The following PRUNE2 variants were observed in gnomAD, a reference collection of about 807,000 sequenced individuals.
PRUNE2 encodes the protein prune homolog 2 with BCH domain.
PRUNE2 carries 164 observed loss-of-function variants against 252.0 expected under a neutral mutation model. The ratio of observed to expected loss-of-function variants is 0.65; its 90% CI spans 0.57 to 0.74. PRUNE2 has a LOEUF of 0.74. PRUNE2 is among the 30% of genes least tolerant of loss of function. The pLI is 0.00. For missense variants in PRUNE2, 3,495 were observed against 3,711.0 expected (o/e 0.94, Z 1.51); for synonymous variants, 1,292 against 1,350.2 (o/e 0.96, Z 0.94).
At chr9:76,861,532 G>T (rs995619013) in intron 1 of PRUNE2, among the ~76,000 whole-genome samples, 3 of 152,146 alleles carry the variant, frequency 2.0e-5, no homozygotes, top group Non-Finnish European at 2.9e-5. Context: ...CGATGGGGGA[G>T]GCAAAACCTA....
Position 76,745,383 on chromosome 9 carries a change from C to T in PRUNE2, c.757-31662G>A, listed in dbSNP as rs200786365. ...ATGCCAGAGATCACAAGACGTACAA[C>T]TTCCCCCATCAATCCTACAGATAAC... On this transcript the variant is annotated intron_variant, in intron 6 of 18. Transcript: ENST00000376718. 5.9e-5 allele frequency among the ~76,000 whole-genome samples: 9 copies of T among 152,310 alleles called. No homozygotes were observed. In the East Asian group the frequency reaches 1.5e-3, roughly 26 times the overall value.
chr9:76,625,566 G>A (rs1040240856), intron 16 of PRUNE2, among the ~76,000 whole-genome samples: 2 of 152,176 alleles, frequency 1.3e-5, no homozygotes, highest in Admixed American at 6.5e-5. Flanking sequence ...AACAATCAAT[G>A]TTTATAATTT....
chr9:76,706,549 TC>T lies in PRUNE2; in HGVS notation c.5724del (p.Trp1908Ter). 1.2e-6 allele frequency: 2 copies of T among 1,614,018 alleles called. No individual in the cohort carries two copies. The highest frequency in any genetic ancestry group is 1.7e-6 in the Non-Finnish European group (2 of 1,179,892). On this transcript the variant is annotated frameshift_variant, in exon 8 of 19. Coordinates refer to ENST00000376718, the MANE Select transcript of PRUNE2 (RefSeq NM_015225.3). LOFTEE classifies it high-confidence loss of function. ...GGGTCTGGCTGCCTTGGTTGAATGTTCCAGAGTTGCTCATGGGAGTTCTTCC... is the reference window on the plus strand; with the variant it reads ...GGGTCTGGCTGCCTTGGTTGAATGTTCAGAGTTGCTCATGGGAGTTCTTCC... ...GNGKNSHEQL[W>X]NIQPRQPDPD...
intron 4 of PRUNE2, among the ~76,000 whole-genome samples, chr9:76,838,779 G>A (rs1423402609): frequency 8.6e-5 from 13 of 151,822 alleles, no homozygotes; most frequent in African/African-American, 1.2e-4. Flanking sequence ...ACCAGTTAAC[G>A]CTAGTTAGGG....
chr9:76,765,838 C>A (rs2052306480), intron 6 of PRUNE2, among the ~76,000 whole-genome samples: 1 of 152,128 alleles, frequency 6.6e-6, no homozygotes, highest in South Asian at 2.1e-4. Flanking sequence ...GTTTAGATAA[C>A]CTCTAAGATC....
rs754739635 is a variant in PRUNE2 at position 76,710,042 on chromosome 9, G to T, written c.2232C>A (p.Pro744=). Residue 744 remains proline (P), a synonymous_variant, in exon 8 of 19, where the codon CCC becomes CCA. Transcript: ENST00000376718. ...NEESLPFQNL[P]MEKSPLPNTS... ...TATTTGGCAAAGGTGACTTCTCCAT[G>T]GGCAGGTTCTGGAACGGCAAGCTTT... is the stretch of plus-strand genomic sequence containing the variant. 5 of 1,613,878 alleles carry T rather than the reference G, an allele frequency of 3.1e-6. No individual in the cohort carries two copies. The highest frequency in any genetic ancestry group is 3.4e-6 in the Non-Finnish European group (4 of 1,179,850).
At position 76,711,167 on chromosome 9, in the gene PRUNE2, T is replaced by G; in HGVS notation, c.1107A>C (p.Thr369=). 2 of 1,613,982 alleles carry G rather than the reference T, an allele frequency of 1.2e-6. No homozygotes were observed. The highest frequency in any genetic ancestry group is 1.7e-6 in the Non-Finnish European group (2 of 1,179,862). ...GGGGGGCACTGCCTGCCACGGCTTC[T>G]GTTGAGGATGTCCGGCTATTGGAGA... The part of the protein sequence containing the change: ...EMVSNSRTSS[T]EAVAGSAPLS... Residue 369 remains threonine, a synonymous_variant, in exon 8 of 19, where the codon ACA becomes ACC. Transcript: ENST00000376718.
intron 1 of PRUNE2, among the ~76,000 whole-genome samples, chr9:76,887,509 C>T (rs934777916): frequency 3.9e-5 from 6 of 152,178 alleles, no homozygotes; most frequent in African/African-American, 9.7e-5. Flanking sequence ...CGTCCCTGCA[C>T]GGTGCCATAA....
rs376703329 is a variant in PRUNE2 at position 76,846,043 on chromosome 9, T to C, written c.508+472A>G. Among the ~76,000 whole-genome samples the C allele has an allele frequency of 1.7e-4, 26 of 152,300 alleles. 1 individual carries two copies. The highest frequency in any genetic ancestry group is 6.3e-4 in the African/African-American group (26 of 41,566). ...AGACAGGGGAGCAAAGGAGGTGACATCTGACTATAAAAGCCCTGACACAGT... is the reference window on the plus strand; with the variant it reads ...AGACAGGGGAGCAAAGGAGGTGACACCTGACTATAAAAGCCCTGACACAGT... On this transcript the variant is annotated intron_variant, in intron 4 of 18. Transcript: ENST00000376718.
In PRUNE2 at chr9:76,834,392, G is replaced by C. The variant is rs2058841548; in HGVS notation, c.509-7660C>G. Among the ~76,000 whole-genome samples, 3 of 152,150 alleles carry C rather than the reference G, an allele frequency of 2.0e-5. No individual in the cohort carries two copies. The South Asian group carries it at 6.2e-4, about 32-fold the overall frequency. ...GATAGTCAGTAAATTTAGCAAGTTT[G>C]CTGCATTAAGGTCAATAATACAAAA... On this transcript the variant is annotated intron_variant, in intron 4 of 18. Coordinates refer to ENST00000376718, the MANE Select transcript of PRUNE2 (RefSeq NM_015225.3).
intron 6 of PRUNE2, among the ~76,000 whole-genome samples, chr9:76,745,541 T>G (rs374561661): frequency 7.5e-6 from 1 of 132,798 alleles, no homozygotes; most frequent in Admixed American, 7.2e-5. Flanking sequence ...TCAGCATGTT[T>G]GATGTCCCAC....
rs1233317734 is a variant in PRUNE2 at position 76,889,023 on chromosome 9, A to G, written c.36+16905T>C. On this transcript the variant is annotated intron_variant, in intron 1 of 18. Coordinates refer to ENST00000376718, the MANE Select transcript of PRUNE2 (RefSeq NM_015225.3). ...ACACCCAGCTAGTTTTTGTGTTTTT[A>G]GTAGAGACGGGGTTTCACCATGTTG... Among the ~76,000 whole-genome samples the G allele has an allele frequency of 2.0e-5, 3 of 151,014 alleles. No homozygotes were observed. The East Asian group carries it at 5.8e-4, about 29-fold the overall frequency.
intron 6 of PRUNE2, among the ~76,000 whole-genome samples, chr9:76,821,099 T>C (rs2058014592): frequency 6.6e-6 from 1 of 151,836 alleles, no homozygotes; most frequent in African/African-American, 2.4e-5. Context: ...ATGTAAAGAG[T>C]GAAGTCCTAA....
chr9:76,655,499 T>C lies in PRUNE2; in HGVS notation c.8280A>G (p.Leu2760=), dbSNP rs1275656089. The change falls in exon 10 of 19, where the codon CTA becomes CTG. Residue 2760 remains leucine, a synonymous_variant. Coordinates refer to ENST00000376718, the MANE Select transcript of PRUNE2 (RefSeq NM_015225.3). ...TGTCCATTCCTACATCCTCTGACAG[T>C]AGTCTGCAAAAAAAGCAAAGCAAAG... is the stretch of plus-strand genomic sequence containing the variant. ...LGTRISRPNG[L]LSEDVGMDIP... 1.9e-6 allele frequency: 3 copies of C among 1,611,850 alleles called. No individual in the cohort carries two copies. Among genetic ancestry groups the C allele is most frequent in the East Asian group, 4.5e-5 (2 of 44,838 alleles).
intron 6 of PRUNE2, among the ~76,000 whole-genome samples, chr9:76,793,317 T>C (rs2055739625): frequency 6.6e-6 from 1 of 152,240 alleles, no homozygotes; most frequent in East Asian, 1.9e-4. Context: ...TGATCGTTAT[T>C]AACCCAAGAG....
intron 6 of PRUNE2, among the ~76,000 whole-genome samples, chr9:76,745,533 A>G (rs2050025652): frequency 7.2e-6 from 1 of 139,624 alleles, no homozygotes; most frequent in Admixed American, 6.9e-5. Flanking sequence ...TAAGTGACTC[A>G]GCATGTTTGA....
rs140267635 is a variant in PRUNE2, at chr9:76,756,630, G to A, written c.757-42909C>T. 4.2e-3 allele frequency among the ~76,000 whole-genome samples: 647 copies of A among 152,362 alleles called. 2 individuals carry two copies. The highest frequency in any genetic ancestry group is 5.1e-3 in the Non-Finnish European group (347 of 68,034). On this transcript the variant is annotated intron_variant, in intron 6 of 18. Transcript: ENST00000376718. Reference sequence around the variant, plus strand: ...AGCCAGATTGTGTCCTGAAGGCACTGTGGCCTCCCAGGAGGATTCCCTGAG... The same window carrying A: ...AGCCAGATTGTGTCCTGAAGGCACTATGGCCTCCCAGGAGGATTCCCTGAG...
At chr9:76,899,164 C>T (rs1162296504) in intron 1 of PRUNE2, among the ~76,000 whole-genome samples, 3 of 152,206 alleles carry the variant, frequency 2.0e-5, no homozygotes, top group Admixed American at 6.5e-5. Context: ...GGGAGCCCAA[C>T]TTCTAGTCTT....
intron 1 of PRUNE2, among the ~76,000 whole-genome samples, chr9:76,879,084 A>C (rs1202225738): frequency 2.6e-5 from 4 of 152,222 alleles, no homozygotes; most frequent in Non-Finnish European, 5.9e-5. Flanking sequence ...AGTGTGTTCC[A>C]GTGAGCACTA....
Sources: allele counts gnomAD v4.1 joint callset (sites outside exome capture counted in the v4.1 genomes callset), GRCh38; gene constraint gnomAD v4.1.1; transcripts MANE v1.5; gene names NCBI Gene and HGNC (gene_info 2026-07-23, HGNC 2026-07-21).